The following CD81 variants were observed in gnomAD, a reference collection of about 807,000 sequenced individuals.
CD81 encodes CD81 molecule.
A neutral mutation model predicts 30.1 loss-of-function variants in CD81; 10 were observed. The ratio of observed to expected loss-of-function variants is 0.33; its 90% confidence interval spans 0.21 to 0.56. CD81 has a LOEUF of 0.56. CD81 is among the 20% of genes least tolerant of loss of function. The pLI, the probability that CD81 is intolerant of heterozygous loss-of-function variation, is 0.89. For missense variants in CD81, 263 were observed against 308.7 expected (o/e 0.85, Z 1.11); for synonymous variants, 147 against 126.4 (o/e 1.16, Z -1.10).
intron 1 of CD81, among the ~76,000 whole-genome samples, chr11:2,380,430 C>T (rs76986367): frequency 0.079 from 12,077 of 152,102 alleles, 1,349 homozygotes; most frequent in African/African-American, 0.25. Flanking sequence ...CGAATGTGCA[C>T]ACACACACAC....
chr11:2,384,358 G>C (rs1849751518), intron 1 of CD81, among the ~76,000 whole-genome samples: 1 of 119,434 alleles, frequency 8.4e-6, no homozygotes, highest in Admixed American at 8.6e-5. Flanking sequence ...GAGGTGGGGT[G>C]GCTTGTGGGG....
At chr11:2,386,598 G>A in intron 1 of CD81, 1 of 717,262 alleles carries the variant, frequency 1.4e-6, no homozygotes, top group Non-Finnish European at 2.6e-6. Flanking sequence ...GCTTGGCATG[G>A]CCCCGTTTGT....
In CD81 at chr11:2,377,979, T is replaced by G; in HGVS notation, c.66+364T>G. 1 of 151,654 alleles carries G rather than the reference T, an allele frequency of 6.6e-6. No individual in the cohort carries two copies. Among genetic ancestry groups the G allele is most frequent in the Non-Finnish European group, 1.5e-5 (1 of 68,432 alleles). 9.4% of individuals were successfully genotyped at this position (151,654 alleles called of 1,614,324 possible). A position where few individuals can be genotyped will look rare whatever the true frequency, so the allele number is the denominator to read the frequency against. On this transcript the variant is annotated intron_variant, in intron 1 of 7. Coordinates refer to ENST00000263645, the MANE Select transcript of CD81 (RefSeq NM_004356.4). The surrounding 1 kb of genome is among the most constrained non-coding windows in gnomAD (Gnocchi z 7.7). The stretch of plus-strand genomic sequence containing the variant: ...CTAAGGAGGGGCCTGCGCGGGTCCC[T>G]GGCCGCGGATTCCGGACTGCTGCTT...
intron 1 of CD81, chr11:2,386,512 C>T (rs751046836): frequency 2.9e-5 from 21 of 713,540 alleles, no homozygotes; most frequent in Non-Finnish European, 5.2e-5. Flanking sequence ...GTTTCCTCAT[C>T]CAGAAACCGG....
At chr11:2,394,866 C>A in intron 3 of CD81, 106 bp from the exon 4 acceptor site, 2 of 1,026,850 alleles carry the variant, frequency 1.9e-6, no homozygotes, top group East Asian at 2.4e-5. Flanking sequence ...GCTGGTGGCT[C>A]CCACTAGCCC....
At chr11:2,381,320 C>T (rs112396481) in intron 1 of CD81, among the ~76,000 whole-genome samples, 2 of 152,224 alleles carry the variant, frequency 1.3e-5, no homozygotes, top group South Asian at 2.1e-4. Context: ...GTGGCTCTGC[C>T]GGGTGCTGAC....
chr11:2,387,751 T>C (rs10831924), intron 1 of CD81, among the ~76,000 whole-genome samples: 15,299 of 152,220 alleles, frequency 0.1, 2,189 homozygotes, highest in African/African-American at 0.32. Context: ...CGCAGGTGTA[T>C]GTTGGGCCCT....
intron 1 of CD81, chr11:2,386,688 A>G (rs1589848893): frequency 1.4e-6 from 1 of 704,346 alleles, no homozygotes; most frequent in Non-Finnish European, 2.7e-6. Context: ...CCATTTTTCC[A>G]CCCAGGGTGG....
intron 1 of CD81, among the ~76,000 whole-genome samples, chr11:2,385,079 T>C (rs1452355020): frequency 6.6e-6 from 1 of 152,114 alleles, no homozygotes; most frequent in Non-Finnish European, 1.5e-5. Flanking sequence ...CTGGGAAGCG[T>C]TGGCTCTGCC....
At chr11:2,394,870 C>T (rs772048463) in intron 3 of CD81, 102 bp from the exon 4 acceptor site, 1 of 1,081,012 alleles carries the variant, frequency 9.3e-7, no homozygotes, top group Admixed American at 1.7e-5. Context: ...GTGGCTCCCA[C>T]TAGCCCCTCA....
intron 1 of CD81, among the ~76,000 whole-genome samples, chr11:2,383,662 G>A (rs901337199): frequency 6.6e-6 from 1 of 152,198 alleles, no homozygotes. Flanking sequence ...CACAGAGCCC[G>A]CAGCGTGGCC....
chr11:2,385,940 G>T lies in CD81; in HGVS notation c.67-4472G>T, dbSNP rs904799191. 51 of 678,432 alleles carry T rather than the reference G, an allele frequency of 7.5e-5. No individual in the cohort carries two copies. In the Middle Eastern group the frequency reaches 2.8e-3, roughly 38 times the overall value. The allele number at this position is 678,432 out of a possible 1,614,324, so 42.0% of individuals were successfully genotyped here. On this transcript the variant is annotated intron_variant, in intron 1 of 7. Transcript: ENST00000263645. The stretch of plus-strand genomic sequence containing the variant: ...CCTGTGCGTGGAGCAGCTGGGTCAT[G>T]TGGTGAATGTGGGTTTCACTGCTTA...
At chr11:2,396,737 CCTGCTCTCTGGG>C in intron 7 of CD81, 23 bp downstream of exon 7, 1 of 1,611,498 alleles carries the variant, frequency 6.2e-7, no homozygotes, top group Non-Finnish European at 8.5e-7. Context: ...GGGCGGAGGG[CCTGCTCTCTGGG>C]CTGCCCCTTC....
chr11:2,386,063 T>A (rs1451610203), intron 1 of CD81: 2 of 717,188 alleles, frequency 2.8e-6, no homozygotes, highest in African/African-American at 3.5e-5. Context: ...CCCAGCAGCA[T>A]GTGGTGTGGT....
At chr11:2,396,005 C>T (rs763188461) in intron 6 of CD81, 35 bp downstream of exon 6, 24 of 1,409,980 alleles carry the variant, frequency 1.7e-5, no homozygotes, top group African/African-American at 4.2e-5. Context: ...CCTGACCCCC[C>T]GCATGTCCCG....
At chr11:2,386,258 T>C in intron 1 of CD81, 2 of 684,176 alleles carry the variant, frequency 2.9e-6, no homozygotes, top group Non-Finnish European at 5.4e-6. Flanking sequence ...TTGCCAGTTT[T>C]CTTGCTGTTG....
rs1849974862 is a variant in CD81 at position 2,395,230 on chromosome 11, C to T, written c.354+184C>T. ...GGCAGCATTGGGGCTGAGCACCAGG[C>T]CAGCCTCCCGTGTCCCAGCACTCCC... On this transcript the variant is annotated intron_variant, in intron 4 of 7. Transcript: ENST00000263645. The T allele has an allele frequency of 1.5e-5, 11 of 727,840 alleles. No homozygotes were observed. In the East Asian group the frequency reaches 2.7e-4, roughly 18 times the overall value. The allele number at this position is 727,840 out of a possible 1,614,324, so 45.1% of individuals were successfully genotyped here. A position where few individuals can be genotyped will look rare whatever the true frequency, so the allele number is the denominator to read the frequency against.
In CD81 at chr11:2,397,038, C is replaced by T; in HGVS notation, c.*172C>T. 1 of 688,476 alleles carries T rather than the reference C, an allele frequency of 1.5e-6. No homozygotes were observed. The highest frequency in any genetic ancestry group is 2.6e-6 in the Non-Finnish European group (1 of 391,854). 42.6% of individuals were successfully genotyped at this position (688,476 alleles called of 1,614,324 possible). A position where few individuals can be genotyped will look rare whatever the true frequency, so the allele number is the denominator to read the frequency against. On this transcript the variant is annotated 3_prime_UTR_variant, in exon 8 of 8. Transcript: ENST00000263645. The stretch of plus-strand genomic sequence containing the variant: ...GTTCTGAACTTTCCTGTTACCTTTT[C>T]AGGGCTGACGTCACATGTAGGTGGC...
chr11:2,380,890 T>C (rs913100279), intron 1 of CD81, among the ~76,000 whole-genome samples: 1 of 152,200 alleles, frequency 6.6e-6, no homozygotes, highest in African/African-American at 2.4e-5. Context: ...CCCAAGCTAA[T>C]GCAGCTGGTA....
Sources: gnomAD v4.1 joint callset for allele counts (sites outside exome capture counted in the v4.1 genomes callset) on GRCh38, gnomAD v4.1.1 for gene constraint, Gnocchi (gnomAD v3.1) non-coding constraint, MANE v1.5 for transcripts, NCBI Gene and HGNC (gene_info 2026-07-23, HGNC 2026-07-21) for gene names.